The following CIMIP5 variants were observed in gnomAD, a reference collection of about 807,000 sequenced individuals.
CIMIP5 encodes uncharacterized protein C2orf50.
At chr2:11,144,013 C>A in the CIMIP5 span, 1 of 1,607,480 alleles carries the variant, frequency 6.2e-7, no homozygotes, top group African/African-American at 1.3e-5. Flanking sequence ...GGGCAGCAGG[C>A]TGGACACACC....
chr2:11,137,097 G>A, the CIMIP5 span, among the ~76,000 whole-genome samples: 1 of 152,212 alleles, frequency 6.6e-6, no homozygotes, highest in African/African-American at 2.4e-5. Flanking sequence ...AAGAGGTCGG[G>A]CACAATCGCT....
the CIMIP5 span, chr2:11,143,980 C>T: frequency 6.2e-7 from 1 of 1,607,274 alleles, no homozygotes; most frequent in Admixed American, 1.7e-5. Flanking sequence ...GGACACAGTT[C>T]CCAGTTCCAC....
the CIMIP5 span, chr2:11,144,078 G>C: frequency 6.3e-7 from 1 of 1,599,096 alleles, no homozygotes. Flanking sequence ...GGGCCCGGAA[G>C]AAGAAGCTGG....
the CIMIP5 span, chr2:11,143,773 T>G: frequency 3.1e-6 from 2 of 655,436 alleles, no homozygotes; most frequent in Non-Finnish European, 4.8e-6. Context: ...ATCGGGTCAC[T>G]CTTGGGGGAT....
At chr2:11,153,614 T>G in the CIMIP5 span, among the ~76,000 whole-genome samples, 8 of 152,218 alleles carry the variant, frequency 5.3e-5, no homozygotes, top group Admixed American at 1.3e-4. Flanking sequence ...CTCAACAGGT[T>G]CTAGATGTTC....
chr2:11,152,653 G>A, the CIMIP5 span, among the ~76,000 whole-genome samples: 2 of 152,056 alleles, frequency 1.3e-5, no homozygotes, highest in Non-Finnish European at 2.9e-5. Context: ...TAACATGGGG[G>A]CACTATCTTG....
At chr2:11,134,882 A>G in the CIMIP5 span, among the ~76,000 whole-genome samples, 2 of 152,202 alleles carry the variant, frequency 1.3e-5, no homozygotes, top group Admixed American at 6.5e-5. Context: ...TTTGGCTCAC[A>G]GTTCTGCAGG....
the CIMIP5 span, chr2:11,133,617 C>T: frequency 1.1e-5 from 17 of 1,560,370 alleles, no homozygotes; most frequent in Admixed American, 1.9e-4. Flanking sequence ...CCCTTTTCCA[C>T]CCTGACTCCG....
the CIMIP5 span, chr2:11,140,485 C>T: frequency 1.3e-6 from 2 of 1,528,872 alleles, no homozygotes; most frequent in East Asian, 2.3e-5. Context: ...GGAACTCACA[C>T]AGCCAACATG....
chr2:11,154,138 G>A, the CIMIP5 span, among the ~76,000 whole-genome samples: 5 of 151,894 alleles, frequency 3.3e-5, no homozygotes, highest in East Asian at 7.8e-4. Flanking sequence ...CACCACGCTC[G>A]GCTAATTTTT....
At chr2:11,133,596 G>C in the CIMIP5 span, 1 of 1,581,632 alleles carries the variant, frequency 6.3e-7, no homozygotes, top group Admixed American at 1.8e-5. Flanking sequence ...GCGCTGGTGA[G>C]TACCTGCCCT....
chr2:11,150,890 A>C, the CIMIP5 span, among the ~76,000 whole-genome samples: 1 of 152,044 alleles, frequency 6.6e-6, no homozygotes, highest in Non-Finnish European at 1.5e-5. Context: ...AAAAACAAAA[A>C]ACAAAACTTT....
At chr2:11,147,294 C>A in the CIMIP5 span, among the ~76,000 whole-genome samples, 5 of 152,184 alleles carry the variant, frequency 3.3e-5, no homozygotes, top group East Asian at 9.6e-4. Context: ...ATGCTGCCTT[C>A]CCCGCTCCAG....
chr2:11,141,316 AG>A, the CIMIP5 span, among the ~76,000 whole-genome samples: 3 of 151,854 alleles, frequency 2.0e-5, no homozygotes, highest in Admixed American at 2.0e-4. Flanking sequence ...TTTAGTAGAG[AG>A]GGGGTTTCAC....
chr2:11,135,704 C>T, the CIMIP5 span, among the ~76,000 whole-genome samples: 1 of 149,878 alleles, frequency 6.7e-6, no homozygotes, highest in Non-Finnish European at 1.5e-5. Flanking sequence ...CTCTGTTGCC[C>T]AGGCTGGAGT....
chr2:11,137,202 A>G, the CIMIP5 span, among the ~76,000 whole-genome samples: 1 of 152,056 alleles, frequency 6.6e-6, no homozygotes, highest in East Asian at 1.9e-4. Flanking sequence ...GTGAAACCCC[A>G]TCTCTACTAA....
the CIMIP5 span, among the ~76,000 whole-genome samples, chr2:11,149,050 A>G: frequency 6.6e-6 from 1 of 152,138 alleles, no homozygotes; most frequent in Admixed American, 6.5e-5. Context: ...ACTCTTTTCT[A>G]TTGAAGAATG....
the CIMIP5 span, among the ~76,000 whole-genome samples, chr2:11,147,315 C>G: frequency 2.6e-5 from 4 of 152,188 alleles, no homozygotes; most frequent in Non-Finnish European, 5.9e-5. Flanking sequence ...GCCTCAGTCT[C>G]CACAGTTATA....
the CIMIP5 span, chr2:11,140,417 T>G: frequency 2.7e-6 from 2 of 751,042 alleles, no homozygotes; most frequent in Non-Finnish European, 4.2e-6. Flanking sequence ...TTCTTCCACG[T>G]GATACATTGT....
Sources: gnomAD v4.1 joint callset for allele counts (sites outside exome capture counted in the v4.1 genomes callset) on GRCh38, gnomAD v4.1.1 for gene constraint, MANE v1.5 for transcripts, NCBI Gene and HGNC (gene_info 2026-07-23, HGNC 2026-07-21) for gene names.